TIAM1: variants seen among roughly 807,000 people sequenced by gnomAD.
TIAM1 encodes the protein TIAM Rac1 associated GEF 1, also known as rho guanine nucleotide exchange factor TIAM1.
Under a neutral mutation model 163.5 loss-of-function variants are expected in TIAM1, and 65 were observed. The ratio of observed to expected loss-of-function variants is 0.40; its 90% confidence interval spans 0.33 to 0.49. The LOEUF (loss-of-function observed/expected upper bound fraction) is 0.49. Ranked by LOEUF, TIAM1 falls within the 20% of genes least tolerant of loss-of-function variation. The pLI is 0.77. For synonymous variants in TIAM1, 833 were observed against 810.1 expected (o/e 1.03, Z -0.48); for missense variants, 1,789 against 2,044.7 (o/e 0.87, Z 2.41).
At chr21:31,478,500 A>G (rs1371593197) in intron 1 of TIAM1, among the ~76,000 whole-genome samples, 1 of 152,232 alleles carries the variant, frequency 6.6e-6, no homozygotes, top group South Asian at 2.1e-4. Context: ...TATCCTGGCG[A>G]CTTGCTTTTT....
At chr21:31,372,682 C>T (rs2076615764) in intron 2 of TIAM1, among the ~76,000 whole-genome samples, 1 of 152,102 alleles carries the variant, frequency 6.6e-6, no homozygotes, top group African/African-American at 2.4e-5. Flanking sequence ...ATAAAAGATA[C>T]AAAACTGGCT....
intron 11 of TIAM1, among the ~76,000 whole-genome samples, chr21:31,206,959 C>A (rs910549823): frequency 1.5e-5 from 2 of 137,686 alleles, no homozygotes; most frequent in East Asian, 3.9e-4. Context: ...ACACAAAGTG[C>A]TATTGTAGAA....
chr21:31,444,032 G>T (rs965520576), intron 2 of TIAM1, among the ~76,000 whole-genome samples: 3 of 152,088 alleles, frequency 2.0e-5, no homozygotes, highest in Admixed American at 6.6e-5. Flanking sequence ...ACCCTCCTTG[G>T]TCTCAAATTA....
chr21:31,379,460 T>C (rs964515586), intron 2 of TIAM1, among the ~76,000 whole-genome samples: 14 of 151,832 alleles, frequency 9.2e-5, no homozygotes, highest in African/African-American at 2.7e-4. Flanking sequence ...TCACCCAAGG[T>C]TGGACTCTAG....
rs184404446 is a variant in TIAM1 at position 31,271,818 on chromosome 21, G to C, written c.-11-4835C>G. On this transcript the variant is annotated intron_variant, in intron 3 of 27. Coordinates refer to ENST00000541036, the MANE Select transcript of TIAM1 (RefSeq NM_001353694.2). ...GTGGTATGGGGTCAAAGCATCAGGA[G>C]TTCCTGGGGGAGTGCTCAGGGCCAG... Among the ~76,000 whole-genome samples the C allele has an allele frequency of 1.4e-3, 212 of 152,308 alleles. 1 individual carries two copies. The highest frequency in any genetic ancestry group is 4.5e-3 in the African/African-American group (187 of 41,566).
At chr21:31,523,977 T>G (rs1311724302) in intron 1 of TIAM1, among the ~76,000 whole-genome samples, 1 of 147,990 alleles carries the variant, frequency 6.8e-6, no homozygotes, top group Non-Finnish European at 1.5e-5. Context: ...TAATTCCCAA[T>G]GCTCACTCCA....
chr21:31,143,003 C>G (rs2082927784), intron 20 of TIAM1, among the ~76,000 whole-genome samples: 1 of 152,112 alleles, frequency 6.6e-6, no homozygotes, highest in Non-Finnish European at 1.5e-5. Context: ...GAGGAGGGGA[C>G]AGTGTATCCA....
intron 12 of TIAM1, among the ~76,000 whole-genome samples, chr21:31,197,291 A>G (rs1239987164): frequency 6.6e-6 from 1 of 152,238 alleles, no homozygotes; most frequent in East Asian, 1.9e-4. Context: ...CTGGAAAAAG[A>G]GCTTTGTACA....
chr21:31,329,977 A>G (rs760516544), intron 2 of TIAM1, among the ~76,000 whole-genome samples: 8 of 152,192 alleles, frequency 5.3e-5, no homozygotes, highest in Non-Finnish European at 1.2e-4. Context: ...CCTCCCGACT[A>G]CCAAGATCTT....
Position 31,182,662 on chromosome 21 carries a change from G to A in TIAM1, c.2663-17C>T. ...CTTTCAGGCCTGCCAACGCAAGATG[G>A]AAAATTTTTAATTTCACACACATTA... On this transcript the variant is annotated splice_polypyrimidine_tract_variant and intron_variant, in intron 14 of 27. Transcript: ENST00000541036. 3 of 1,603,280 alleles carry A rather than the reference G, an allele frequency of 1.9e-6. No homozygotes were observed. Among genetic ancestry groups the A allele is most frequent in the South Asian group, 2.2e-5 (2 of 89,142 alleles).
At chr21:31,207,923 C>T (rs1341841642) in intron 11 of TIAM1, among the ~76,000 whole-genome samples, 3 of 152,134 alleles carry the variant, frequency 2.0e-5, no homozygotes, top group African/African-American at 4.8e-5. Context: ...TTCCACATCA[C>T]GTTGTTTTTG....
At chr21:31,454,774 T>C (rs2045025143) in intron 2 of TIAM1, among the ~76,000 whole-genome samples, 1 of 152,142 alleles carries the variant, frequency 6.6e-6, no homozygotes, top group Non-Finnish European at 1.5e-5. Flanking sequence ...AGAATGAACC[T>C]TGTGGAGCTG....
chr21:31,149,628 A>G (rs1314824601), intron 19 of TIAM1, among the ~76,000 whole-genome samples: 1 of 152,206 alleles, frequency 6.6e-6, no homozygotes, highest in Non-Finnish European at 1.5e-5. Context: ...CTTGTAAATG[A>G]ATATAATGAA....
intron 2 of TIAM1, among the ~76,000 whole-genome samples, chr21:31,378,157 A>G (rs982909448): frequency 4.0e-5 from 6 of 150,384 alleles, no homozygotes; most frequent in African/African-American, 7.3e-5. Context: ...AAAAAAAAAA[A>G]GTCATTAAAA....
chr21:31,483,426 T>A (rs1439047725), intron 1 of TIAM1, among the ~76,000 whole-genome samples: 1 of 152,170 alleles, frequency 6.6e-6, no homozygotes, highest in African/African-American at 2.4e-5. Flanking sequence ...GGCTGAGAAT[T>A]GCTCCTTCTA....
At chr21:31,324,173 C>A (rs749078726) in intron 2 of TIAM1, among the ~76,000 whole-genome samples, 1 of 151,980 alleles carries the variant, frequency 6.6e-6, no homozygotes, top group Non-Finnish European at 1.5e-5. Flanking sequence ...TGACTGCGTG[C>A]GTGGAAAAGT....
chr21:31,435,208 C>A (rs1236915924), intron 2 of TIAM1, among the ~76,000 whole-genome samples: 1 of 152,184 alleles, frequency 6.6e-6, no homozygotes, highest in East Asian at 1.9e-4. Context: ...GCCTTCATGT[C>A]TTTAAAACTA....
intron 1 of TIAM1, among the ~76,000 whole-genome samples, chr21:31,484,391 C>G (rs572573329): frequency 2.0e-5 from 3 of 152,200 alleles, no homozygotes; most frequent in African/African-American, 7.2e-5. Flanking sequence ...GAGCTCAATA[C>G]GTCAACACCT....
At chr21:31,157,091 T>C (rs781004321) in intron 16 of TIAM1, among the ~76,000 whole-genome samples, 3 of 152,194 alleles carry the variant, frequency 2.0e-5, no homozygotes, top group African/African-American at 7.2e-5. Flanking sequence ...GTAGGCTAAT[T>C]GATACAAACA....
Sources: gnomAD v4.1 joint callset for allele counts (sites outside exome capture counted in the v4.1 genomes callset) on GRCh38, gnomAD v4.1.1 for gene constraint, MANE v1.5 for transcripts, NCBI Gene and HGNC (gene_info 2026-07-23, HGNC 2026-07-21) for gene names.